The following ZNF148 variants were observed in gnomAD, a reference collection of about 807,000 sequenced individuals.
ZNF148 encodes the protein zinc finger protein 148, also known as Beta-Enolase Repressor Factor-1.
A neutral mutation model predicts 67.7 loss-of-function variants in ZNF148; 7 were observed. That is an observed-to-expected ratio of 0.10 (90% CI 0.06 to 0.19). The LOEUF is 0.19. Ranked by LOEUF, ZNF148 falls within the 10% of genes least tolerant of loss-of-function variation. The pLI, the probability that ZNF148 is intolerant of heterozygous loss-of-function variation, is 1.00. For synonymous variants in ZNF148, 333 were observed against 330.7 expected (o/e 1.01, Z -0.08); for missense variants, 583 against 947.1 (o/e 0.62, Z 5.05).
chr3:125,258,422 CAAAAAAAAA>C (rs34739205), intron 7 of ZNF148, among the ~76,000 whole-genome samples: 3 of 56,292 alleles, frequency 5.3e-5, no homozygotes, highest in African/African-American at 2.4e-4. Flanking sequence ...GACTCCATCT[CAAAAAAAAA>C]AAAAAAAAAA....
intron 2 of ZNF148, among the ~76,000 whole-genome samples, chr3:125,330,130 T>A (rs1941221882): frequency 6.6e-6 from 1 of 152,146 alleles, no homozygotes; most frequent in Non-Finnish European, 1.5e-5. Flanking sequence ...TCCTAAAATA[T>A]GGCTTCTGAA....
chr3:125,279,285 A>G, intron 5 of ZNF148, 38 bp from the exon 6 acceptor site: 2 of 1,467,706 alleles, frequency 1.4e-6, no homozygotes, highest in Non-Finnish European at 1.8e-6. Context: ...AAAAGAAATA[A>G]GTTTTTAAAA....
intron 4 of ZNF148, among the ~76,000 whole-genome samples, chr3:125,301,995 G>A (rs1939612705): frequency 1.3e-5 from 2 of 152,062 alleles, no homozygotes; most frequent in South Asian, 2.1e-4. Context: ...AACCCAGGAG[G>A]TGGAGGTTGC....
chr3:125,237,099 T>C (rs1936125252), intron 7 of ZNF148, among the ~76,000 whole-genome samples: 1 of 152,076 alleles, frequency 6.6e-6, no homozygotes, highest in African/African-American at 2.4e-5. Flanking sequence ...AAGCACTGTT[T>C]AGGACAGGGA....
intron 4 of ZNF148, among the ~76,000 whole-genome samples, chr3:125,303,529 C>T (rs556082027): frequency 6.6e-6 from 1 of 152,304 alleles, no homozygotes; most frequent in East Asian, 1.9e-4. Context: ...AGCTCAAACC[C>T]TATTGTGAAC....
chr3:125,295,769 A>G (rs1939250767), intron 4 of ZNF148, among the ~76,000 whole-genome samples: 1 of 152,230 alleles, frequency 6.6e-6, no homozygotes, highest in Admixed American at 6.5e-5. Context: ...ACTACAGTAC[A>G]GAGCAGTATG....
intron 4 of ZNF148, among the ~76,000 whole-genome samples, chr3:125,302,546 C>T (rs563946927): frequency 2.4e-4 from 36 of 152,268 alleles, no homozygotes; most frequent in Admixed American, 3.9e-4. Context: ...AAACACTTTG[C>T]AAATTCTGCC....
chr3:125,315,417 A>T (rs1294897722), intron 3 of ZNF148, among the ~76,000 whole-genome samples: 1 of 152,078 alleles, frequency 6.6e-6, no homozygotes, highest in Non-Finnish European at 1.5e-5. Flanking sequence ...TTTTAAATAT[A>T]TAAAACATTG....
chr3:125,330,898 T>C (rs1941262124), intron 2 of ZNF148, among the ~76,000 whole-genome samples: 1 of 152,172 alleles, frequency 6.6e-6, no homozygotes, highest in African/African-American at 2.4e-5. Context: ...GCCTAAAAGA[T>C]ATGCAAGTAA....
At chr3:125,312,173 T>TA (rs1000982516) in intron 4 of ZNF148, among the ~76,000 whole-genome samples, 5 of 152,152 alleles carry the variant, frequency 3.3e-5, no homozygotes, top group African/African-American at 1.2e-4. Flanking sequence ...AACACAAATG[T>TA]AAAAATCCTC....
At chr3:125,238,001 AT>A (rs1345555788) in intron 7 of ZNF148, among the ~76,000 whole-genome samples, 1 of 152,172 alleles carries the variant, frequency 6.6e-6, no homozygotes, top group Non-Finnish European at 1.5e-5. Context: ...TGGTCAACTG[AT>A]TTTCTAAAAA....
At chr3:125,247,351 G>A (rs1380023271) in intron 7 of ZNF148, among the ~76,000 whole-genome samples, 1 of 152,118 alleles carries the variant, frequency 6.6e-6, no homozygotes, top group Admixed American at 6.5e-5. Context: ...CTTTTGCAGA[G>A]TTATGAAATT....
At chr3:125,287,117 T>C (rs941931857) in intron 5 of ZNF148, among the ~76,000 whole-genome samples, 2 of 152,078 alleles carry the variant, frequency 1.3e-5, no homozygotes, top group Non-Finnish European at 2.9e-5. Context: ...TCCAAAAGTA[T>C]ACAAAAATAT....
chr3:125,236,577 A>C (rs1936102637), intron 7 of ZNF148, among the ~76,000 whole-genome samples: 1 of 152,200 alleles, frequency 6.6e-6, no homozygotes, highest in Admixed American at 6.5e-5. Context: ...TTTAGATACT[A>C]TAAAATGTGC....
intron 1 of ZNF148, among the ~76,000 whole-genome samples, chr3:125,371,834 G>A (rs1942898219): frequency 6.6e-6 from 1 of 151,920 alleles, no homozygotes; most frequent in Non-Finnish European, 1.5e-5. Context: ...GGAGACGGAG[G>A]CGGGTAGATC....
chr3:125,375,029 T>TC (rs1299078498), intron 1 of ZNF148, 73 bp downstream of exon 1: 2 of 137,988 alleles, frequency 1.4e-5, no homozygotes, highest in African/African-American at 5.5e-5. Context: ...CGCCGCGCGC[T>TC]CCCCCCGCGC....
At chr3:125,287,377 G>A (rs896667399) in intron 5 of ZNF148, among the ~76,000 whole-genome samples, 1 of 152,154 alleles carries the variant, frequency 6.6e-6, no homozygotes, top group African/African-American at 2.4e-5. Context: ...GGTGGCTCAC[G>A]CCTGTAATCC....
At chr3:125,315,299 C>T (rs1940431835) in intron 3 of ZNF148, among the ~76,000 whole-genome samples, 1 of 152,062 alleles carries the variant, frequency 6.6e-6, no homozygotes, top group African/African-American at 2.4e-5. Context: ...TATTAAAATA[C>T]CTTAAAAATT....
chr3:125,315,480 G>A (rs540567958), intron 3 of ZNF148, among the ~76,000 whole-genome samples: 54 of 152,094 alleles, frequency 3.6e-4, no homozygotes, highest in African/African-American at 1.0e-3. Context: ...AGGCCGAGGC[G>A]GGCAGATCAG....
Sources: gnomAD v4.1 joint callset for allele counts (sites outside exome capture counted in the v4.1 genomes callset) on GRCh38, gnomAD v4.1.1 for gene constraint, MANE v1.5 for transcripts, NCBI Gene and HGNC (gene_info 2026-07-23, HGNC 2026-07-21) for gene names.